Variants in CCDC27 observed in about 807,000 individuals in gnomAD.
CCDC27 encodes the protein coiled-coil domain-containing protein 27.
A neutral mutation model predicts 80.3 loss-of-function variants in CCDC27; 80 were observed. The observed-to-expected ratio is 1.00, with a 90% CI of 0.83 to 1.20. CCDC27 has a LOEUF of 1.20. Among genes scored for constraint, CCDC27 ranks in the 50% most tolerant of loss-of-function variants. The probability of loss-of-function intolerance (pLI) is 0.00; values close to 1 mark genes in which losing one functional copy is unlikely to be tolerated. For missense variants in CCDC27, 815 were observed against 809.4 expected (o/e 1.01, Z -0.08); for synonymous variants, 342 against 334.3 (o/e 1.02, Z -0.25).
intron 2 of CCDC27, 105 bp downstream of exon 2, chr1:3,754,346 G>T: frequency 1.4e-6 from 2 of 1,388,666 alleles, no homozygotes; most frequent in East Asian, 2.7e-5. Context: ...GCCAGAGTTG[G>T]CCTCCACAGT....
intron 10 of CCDC27, among the ~76,000 whole-genome samples, chr1:3,767,752 A>G (rs1233516344): frequency 6.6e-6 from 1 of 152,194 alleles, no homozygotes; most frequent in South Asian, 2.1e-4. Flanking sequence ...GGAAAGGAGG[A>G]GGGCACCTGG....
Position 3,766,423 on chromosome 1 carries a change from C to T in CCDC27, c.1453-112C>T. ...CTTCTCCCTGCCTTCAATAGAAATC[C>T]CGCTGCTATTATTTTAGGGAGCTTT... is the stretch of plus-strand genomic sequence containing the variant. On this transcript the variant is annotated intron_variant, in intron 8 of 11. Transcript: ENST00000294600. The surrounding 1 kb of genome is among the most constrained non-coding windows in gnomAD (Gnocchi z 6.1). The T allele has an allele frequency of 7.7e-6, 5 of 652,396 alleles. No individual in the cohort carries two copies. Among genetic ancestry groups the T allele is most frequent in the Admixed American group, 2.9e-5 (1 of 34,124 alleles). 40.4% of individuals were successfully genotyped at this position (652,396 alleles called of 1,614,324 possible).
In CCDC27 at chr1:3,760,224, T is replaced by C. The variant is rs1643054449; in HGVS notation, c.712-1057T>C. ...ACTTTTTTTTCCCTTTAACTTTGTATTTCAGGCATAAAGTGGTAAGAATCC... is the reference window on the plus strand; with the variant it reads ...ACTTTTTTTTCCCTTTAACTTTGTACTTCAGGCATAAAGTGGTAAGAATCC... On this transcript the variant is annotated intron_variant, in intron 4 of 11. Coordinates refer to ENST00000294600, the MANE Select transcript of CCDC27 (RefSeq NM_152492.3). This position sits in a 1 kb window ranked among gnomAD's most constrained non-coding sequence, Gnocchi z 4.3. Among the ~76,000 whole-genome samples, 1 of 152,212 alleles carries C rather than the reference T, an allele frequency of 6.6e-6. No individual in the cohort carries two copies. The highest frequency in any genetic ancestry group is 1.5e-5 in the Non-Finnish European group (1 of 68,040).
In CCDC27 at chr1:3,766,091, C is replaced by T. The variant is rs1190224626; in HGVS notation, c.1453-444C>T. Among the ~76,000 whole-genome samples the T allele has an allele frequency of 6.6e-6, 1 of 152,148 alleles. No homozygotes were observed. Among genetic ancestry groups the T allele is most frequent in the Non-Finnish European group, 1.5e-5 (1 of 68,010 alleles). Reference sequence around the variant, plus strand: ...ATGTTACCCACGCTTCTCTCAAATTCCCGACCTCAAGTGATCCACCCACCT... The same window carrying T: ...ATGTTACCCACGCTTCTCTCAAATTTCCGACCTCAAGTGATCCACCCACCT... On this transcript the variant is annotated intron_variant, in intron 8 of 11. Transcript: ENST00000294600. The surrounding 1 kb of genome is among the most constrained non-coding windows in gnomAD (Gnocchi z 6.1).
At chr1:3,753,520 G>C (rs1324050273) in intron 1 of CCDC27, among the ~76,000 whole-genome samples, 1 of 152,048 alleles carries the variant, frequency 6.6e-6, no homozygotes, top group Non-Finnish European at 1.5e-5. Flanking sequence ...ATTTTTAATA[G>C]AGATGGGGTT....
At position 3,771,616 on chromosome 1, in the gene CCDC27, T is replaced by G; in HGVS notation, c.*93T>G. On this transcript the variant is annotated 3_prime_UTR_variant, in exon 12 of 12. Transcript: ENST00000294600. ...CCCACCATGCGTCCTGCTCTCAGAC[T>G]CAGAATTAAACCCCGGTGTTGGCAC... is the stretch of plus-strand genomic sequence containing the variant. 1 of 1,423,386 alleles carries G rather than the reference T, an allele frequency of 7.0e-7. No homozygotes were observed. The highest frequency in any genetic ancestry group is 9.6e-7 in the Non-Finnish European group (1 of 1,040,698). The allele number at this position is 1,423,386 out of a possible 1,614,324, so 88.2% of individuals were successfully genotyped here. A position where few individuals can be genotyped will look rare whatever the true frequency, so the allele number is the denominator to read the frequency against.
chr1:3,761,156 T>C lies in CCDC27; in HGVS notation c.712-125T>C, dbSNP rs930741415. 5.3e-6 allele frequency: 6 copies of C among 1,129,898 alleles called. No homozygotes were observed. The highest frequency in any genetic ancestry group is 7.6e-6 in the Non-Finnish European group (6 of 786,980). 70.0% of individuals were successfully genotyped at this position (1,129,898 alleles called of 1,614,324 possible). ...ACCGCAGTACCTATCTTGAAATCCC[T>C]GGGACCCTGGGGTTTTGGGGTACCA... is the stretch of plus-strand genomic sequence containing the variant. On this transcript the variant is annotated intron_variant, in intron 4 of 11. Coordinates refer to ENST00000294600, the MANE Select transcript of CCDC27 (RefSeq NM_152492.3). The surrounding 1 kb of genome is among the most constrained non-coding windows in gnomAD (Gnocchi z 5.0).
chr1:3,769,924 C>T lies in CCDC27; in HGVS notation c.1848+37C>T, dbSNP rs868352383. Reference sequence around the variant, plus strand: ...AGCTCAGCTGCCTCTATCCGGGCCCCAGACCCCCAGGCCAGAGCTGTGGTA... The same window carrying T: ...AGCTCAGCTGCCTCTATCCGGGCCCTAGACCCCCAGGCCAGAGCTGTGGTA... On this transcript the variant is annotated intron_variant, in intron 11 of 11. Transcript: ENST00000294600. This position sits in a 1 kb window ranked among gnomAD's most constrained non-coding sequence, Gnocchi z 4.6. The T allele has an allele frequency of 1.3e-6, 2 of 1,483,136 alleles. No individual in the cohort carries two copies. The highest frequency in any genetic ancestry group is 1.8e-4 in the Middle Eastern group (1 of 5,642). 91.9% of individuals were successfully genotyped at this position (1,483,136 alleles called of 1,614,324 possible).
rs1373008839 is a variant in CCDC27, at chr1:3,760,326, T to C, written c.712-955T>C. Reference sequence around the variant, plus strand: ...CCACGTTTGCTTTATCCTTCTCTCCTCTCTCTCCCCCTTGCTCCTCTCTCC... The same window carrying C: ...CCACGTTTGCTTTATCCTTCTCTCCCCTCTCTCCCCCTTGCTCCTCTCTCC... On this transcript the variant is annotated intron_variant, in intron 4 of 11. Coordinates refer to ENST00000294600, the MANE Select transcript of CCDC27 (RefSeq NM_152492.3). This position sits in a 1 kb window ranked among gnomAD's most constrained non-coding sequence, Gnocchi z 4.3. Among the ~76,000 whole-genome samples, 1 of 152,064 alleles carries C rather than the reference T, an allele frequency of 6.6e-6. No individual in the cohort carries two copies. Among genetic ancestry groups the C allele is most frequent in the Non-Finnish European group, 1.5e-5 (1 of 68,008 alleles).
Position 3,763,730 on chromosome 1 carries a change from A to T in CCDC27, c.1346A>T (p.Gln449Leu). 1 of 1,613,932 alleles carries T rather than the reference A, an allele frequency of 6.2e-7. No individual in the cohort carries two copies. Among genetic ancestry groups the T allele is most frequent in the Non-Finnish European group, 8.5e-7 (1 of 1,179,960 alleles). ...ATGVIASLQQ[Q>L]VDFQETQLRK... ...GGAGTGATTGCGTCTTTACAACAACAAGTGGATTTCCAAGAAACCCAGCTG... is the reference window on the plus strand; with the variant it reads ...GGAGTGATTGCGTCTTTACAACAACTAGTGGATTTCCAAGAAACCCAGCTG... The change falls in exon 8 of 12, where the codon CAA becomes CTA. Residue 449 changes from glutamine (Q) to leucine (L), a missense_variant. Gln to Leu is a moderately radical substitution (Grantham distance 113, BLOSUM62 -2). Transcript: ENST00000294600. This position sits in a 1 kb window ranked among gnomAD's most constrained non-coding sequence, Gnocchi z 7.5.
In CCDC27 at chr1:3,756,961, G is replaced by A; in HGVS notation, c.711+71G>A. The A allele has an allele frequency of 2.0e-6, 3 of 1,515,486 alleles. No individual in the cohort carries two copies. In the South Asian group the frequency reaches 3.6e-5, roughly 18 times the overall value. 93.9% of individuals were successfully genotyped at this position (1,515,486 alleles called of 1,614,324 possible). Reference sequence around the variant, plus strand: ...TGCGTCCGGCTGGGAGGACAGCCCTGCTCCCTGACAGGCTCTGGTTCTAGT... The same window carrying A: ...TGCGTCCGGCTGGGAGGACAGCCCTACTCCCTGACAGGCTCTGGTTCTAGT... On this transcript the variant is annotated intron_variant, in intron 4 of 11. Transcript: ENST00000294600.
At chr1:3,765,069 A>G (rs1643197793) in intron 8 of CCDC27, among the ~76,000 whole-genome samples, 1 of 151,214 alleles carries the variant, frequency 6.6e-6, no homozygotes, top group Admixed American at 6.6e-5. Context: ...ACAGGGGTAA[A>G]GTTTTGGGGA....
At chr1:3,757,996 C>G (rs1379599591) in intron 4 of CCDC27, among the ~76,000 whole-genome samples, 3 of 151,814 alleles carry the variant, frequency 2.0e-5, no homozygotes, top group Non-Finnish European at 4.4e-5. Context: ...CTCAAGTGAT[C>G]CACTCGCCTT....
At chr1:3,759,909 G>T (rs1302712688) in intron 4 of CCDC27, among the ~76,000 whole-genome samples, 1 of 152,226 alleles carries the variant, frequency 6.6e-6, no homozygotes, top group Non-Finnish European at 1.5e-5. Flanking sequence ...ACCAGGTCAT[G>T]CGTATGAACC....
chr1:3,752,750 G>T lies in CCDC27; in HGVS notation c.269G>T (p.Arg90Leu). The change falls in exon 1 of 12, where the codon CGC becomes CTC. Residue 90 changes from arginine (R) to leucine (L), a missense_variant. Physicochemically the swap from Arg to Leu is moderately radical, Grantham distance 102. Coordinates refer to ENST00000294600, the MANE Select transcript of CCDC27 (RefSeq NM_152492.3). ...CPEWKPHQKP[R>L]TLSKSVQTIS... ...GAATGGAAACCGCACCAAAAGCCACGCACGCTCAGCAAGTCGGTCCAGACC... is the reference window on the plus strand; with the variant it reads ...GAATGGAAACCGCACCAAAAGCCACTCACGCTCAGCAAGTCGGTCCAGACC... 4 of 1,613,662 alleles carry T rather than the reference G, an allele frequency of 2.5e-6. No individual in the cohort carries two copies. Among genetic ancestry groups the T allele is most frequent in the Non-Finnish European group, 3.4e-6 (4 of 1,180,012 alleles).
chr1:3,769,790 G>C lies in CCDC27; in HGVS notation c.1751G>C (p.Arg584Thr). 6.2e-7 allele frequency: 1 copy of C among 1,613,638 alleles called. No individual in the cohort carries two copies. Among genetic ancestry groups the C allele is most frequent in the Non-Finnish European group, 8.5e-7 (1 of 1,179,594 alleles). ...TTGTCCCTTTGCTCACAGCTCGAGA[G>C]GTTAAGGAATAAGATCATCCAGGCC... Reference protein sequence around the residue: ...ALESSQSRLERLRNKIIQATF... With the variant: ...ALESSQSRLETLRNKIIQATF... The change falls in exon 11 of 12, where the codon AGG becomes ACG. Residue 584 changes from arginine to threonine, a missense_variant. Physicochemically the swap from Arg to Thr is moderately conservative, Grantham distance 71 (BLOSUM62 -1). Coordinates refer to ENST00000294600, the MANE Select transcript of CCDC27 (RefSeq NM_152492.3). The surrounding 1 kb of genome is among the most constrained non-coding windows in gnomAD (Gnocchi z 4.6).
chr1:3,762,350 G>A (rs1340376981), intron 5 of CCDC27, among the ~76,000 whole-genome samples: 1 of 152,146 alleles, frequency 6.6e-6, no homozygotes, highest in Non-Finnish European at 1.5e-5. Flanking sequence ...CGTGTGTAAG[G>A]CTGGCTGGCC....
At position 3,766,666 on chromosome 1, in the gene CCDC27, G is replaced by C; in HGVS notation, c.1530+54G>C. On this transcript the variant is annotated intron_variant, in intron 9 of 11. Transcript: ENST00000294600. This position sits in a 1 kb window ranked among gnomAD's most constrained non-coding sequence, Gnocchi z 6.1. ...AGCCAGGCCACTGTTCTTACTGTAA[G>C]TCCCAACACAGCAAAGGGCAAGACG... 1.4e-6 allele frequency: 2 copies of C among 1,473,654 alleles called. No individual in the cohort carries two copies. Among genetic ancestry groups the C allele is most frequent in the Non-Finnish European group, 1.9e-6 (2 of 1,057,354 alleles). 91.3% of individuals were successfully genotyped at this position (1,473,654 alleles called of 1,614,324 possible).
intron 11 of CCDC27, among the ~76,000 whole-genome samples, chr1:3,771,118 G>A (rs962051194): frequency 1.3e-5 from 2 of 152,184 alleles, no homozygotes; most frequent in African/African-American, 4.8e-5. Context: ...CCTGCCCCCG[G>A]CTCCGCATTC....
Sources: gnomAD v4.1 joint callset for allele counts (sites outside exome capture counted in the v4.1 genomes callset) on GRCh38, gnomAD v4.1.1 for gene constraint, Gnocchi (gnomAD v3.1) non-coding constraint, MANE v1.5 for transcripts, NCBI Gene and HGNC (gene_info 2026-07-23, HGNC 2026-07-21) for gene names.